Variants in GSE1 observed in about 807,000 individuals in gnomAD.
GSE1 encodes Gse1 coiled-coil protein.
A neutral mutation model predicts 112.6 loss-of-function variants in GSE1; 32 were observed. The observed-to-expected ratio is 0.28, with a 90% confidence interval of 0.21 to 0.38. The LOEUF (loss-of-function observed/expected upper bound fraction) is 0.38. GSE1 is among the 10% of genes least tolerant of loss of function. The pLI, the probability that GSE1 is intolerant of heterozygous loss-of-function variation, is 1.00. For missense variants in GSE1, 2,348 were observed against 1,699.2 expected, an observed-to-expected ratio of 1.38 and a Z score of -6.71; for synonymous variants, 1,115 against 735.6, an observed-to-expected ratio of 1.52 and a Z score of -8.35.
intron 2 of GSE1, among the ~76,000 whole-genome samples, chr16:85,409,411 C>T (rs2048428088): frequency 2.7e-5 from 1 of 36,892 alleles, no homozygotes. Flanking sequence ...TCAGGGCCCC[C>T]CTGGATAATC....
At chr16:85,579,092 A>G (rs988650613) in intron 1 of GSE1, among the ~76,000 whole-genome samples, 1 of 152,146 alleles carries the variant, frequency 6.6e-6, no homozygotes, top group Non-Finnish European at 1.5e-5. Context: ...TTAGGCCTAA[A>G]TAGTCTAAAA....
exon 1 of GSE1, chr16:85,169,603 C>A (rs2074327238): frequency 4.1e-6 from 4 of 982,494 alleles, no homozygotes; most frequent in Non-Finnish European, 4.8e-6. Flanking sequence ...GGGCGGCGCG[C>A]CGCTCTCCTG....
intron 1 of GSE1, among the ~76,000 whole-genome samples, chr16:85,258,755 C>T (rs754293549): frequency 3.3e-5 from 5 of 152,196 alleles, no homozygotes; most frequent in Admixed American, 2.0e-4. Flanking sequence ...AGGAGGGACA[C>T]GCTTGTCATG....
intron 1 of GSE1, among the ~76,000 whole-genome samples, chr16:85,186,551 C>T (rs888552315): frequency 7.3e-5 from 11 of 150,492 alleles, no homozygotes; most frequent in East Asian, 2.0e-4. Context: ...TGCAGTGAGC[C>T]GAGATCGTGC....
rs374027374 is a variant in GSE1 at position 85,654,309 on chromosome 16, G to A, written c.458G>A (p.Arg153Gln). The A allele has an allele frequency of 1.2e-4, 187 of 1,607,786 alleles. 1 individual carries two copies. The highest frequency in any genetic ancestry group is 4.7e-4 in the African/African-American group (35 of 74,668). ...GGCTCCAGGAGCAGCAGTGGAGGTC[G>A]GGAACGCCTCATTGTGGAGCCCCCG... ...DAGSRSSSGGRERLIVEPPLP... is the reference protein window; with the variant it reads ...DAGSRSSSGGQERLIVEPPLP... The change falls in exon 4 of 16, where the codon CGG becomes CAG. Residue 153 changes from arginine (R) to glutamine (Q), a missense_variant. Coordinates refer to ENST00000253458, the MANE Select transcript of GSE1 (RefSeq NM_014615.5).
intron 1 of GSE1, among the ~76,000 whole-genome samples, chr16:85,190,875 C>A (rs2074805841): frequency 6.6e-6 from 1 of 152,256 alleles, no homozygotes; most frequent in African/African-American, 2.4e-5. Flanking sequence ...ATCCTGCAGA[C>A]CCACTGCTCT....
At chr16:85,628,358 A>C (rs2049255183) in intron 1 of GSE1, among the ~76,000 whole-genome samples, 1 of 152,216 alleles carries the variant, frequency 6.6e-6, no homozygotes, top group African/African-American at 2.4e-5. Context: ...GGGGACCCCC[A>C]GGGACCCAGG....
intron 1 of GSE1, among the ~76,000 whole-genome samples, chr16:85,289,954 G>C (rs2045158241): frequency 6.6e-6 from 1 of 152,228 alleles, no homozygotes; most frequent in South Asian, 2.1e-4. Flanking sequence ...CTGGAGCCCA[G>C]GAATTTGCAT....
At chr16:85,338,447 C>T (rs1285227278) in intron 1 of GSE1, among the ~76,000 whole-genome samples, 1 of 152,178 alleles carries the variant, frequency 6.6e-6, no homozygotes, top group Admixed American at 6.5e-5. Context: ...CTGACTTACC[C>T]CTCCCTGCCT....
intron 1 of GSE1, among the ~76,000 whole-genome samples, chr16:85,629,597 G>T (rs1447887647): frequency 6.6e-6 from 1 of 152,214 alleles, no homozygotes; most frequent in Non-Finnish European, 1.5e-5. Context: ...CTGGACCTGG[G>T]CTCCAAGCCT....
Position 85,502,754 on chromosome 16 carries a change from G to C in GSE1, c.2465-131160G>C, listed in dbSNP as rs967215570. Among the ~76,000 whole-genome samples, 3 of 152,352 alleles carry C rather than the reference G, an allele frequency of 2.0e-5. No homozygotes were observed. In the South Asian group the frequency reaches 6.2e-4, roughly 32 times the overall value. ...GCTGGGCAGGGCCATCTTGGTGTCCGTGGAGCCGGGAAGGACTGCGTTTAC... is the reference window on the plus strand; with the variant it reads ...GCTGGGCAGGGCCATCTTGGTGTCCCTGGAGCCGGGAAGGACTGCGTTTAC... On this transcript the variant is annotated intron_variant, in intron 2 of 2. Transcript: ENST00000637419.
chr16:85,657,537 C>G lies in GSE1; in HGVS notation c.1573C>G (p.Gln525Glu). ...VSEFRQQVLEQHLDMGRPPVP... is the reference protein window; with the variant it reads ...VSEFRQQVLEEHLDMGRPPVP... ...CGAGTTCCGGCAGCAGGTGCTGGAG[C>G]AGCACCTGGATATGGGCCGGCCCCC... The change falls in exon 8 of 16, where the codon CAG becomes GAG. Residue 525 changes from glutamine to glutamate, a missense_variant. By Grantham distance (29) the Gln-to-Glu change is conservative (BLOSUM62 2). Coordinates refer to ENST00000253458, the MANE Select transcript of GSE1 (RefSeq NM_014615.5). 1 of 1,601,912 alleles carries G rather than the reference C, an allele frequency of 6.2e-7. No homozygotes were observed. Among genetic ancestry groups the G allele is most frequent in the Admixed American group, 1.7e-5 (1 of 59,036 alleles).
intron 2 of GSE1, among the ~76,000 whole-genome samples, chr16:85,480,023 G>A (rs527540334): frequency 1.3e-5 from 2 of 152,340 alleles, no homozygotes; most frequent in South Asian, 2.1e-4. Flanking sequence ...CACGACGGGT[G>A]ATGTTTCTCT....
At chr16:85,251,731 C>T (rs931018983) in intron 1 of GSE1, among the ~76,000 whole-genome samples, 7 of 152,214 alleles carry the variant, frequency 4.6e-5, no homozygotes, top group Non-Finnish European at 7.3e-5. Flanking sequence ...TAAACGCAAG[C>T]GGCTCTTCCT....
rs1429318366 is a variant in GSE1, at chr16:85,310,226, C to T, written c.2284-47237C>T. Among the ~76,000 whole-genome samples, 8 of 152,168 alleles carry T rather than the reference C, an allele frequency of 5.3e-5. No individual in the cohort carries two copies. In the South Asian group the frequency reaches 8.3e-4, roughly 16 times the overall value. On this transcript the variant is annotated intron_variant, in intron 1 of 2. Coordinates refer to the GSE1 transcript ENST00000637419. ...CCTGCCTGGGTGGCAGGAGAGGACC[C>T]GGGAGGGGTGCGTGAGGCGTGTAAC...
At chr16:85,394,154 G>T (rs1405631759) in intron 2 of GSE1, among the ~76,000 whole-genome samples, 1 of 151,794 alleles carries the variant, frequency 6.6e-6, no homozygotes, top group Non-Finnish European at 1.5e-5. Flanking sequence ...AGCCGTGACT[G>T]CTGACGAAAA....
intron 1 of GSE1, among the ~76,000 whole-genome samples, chr16:85,603,143 C>G (rs925594725): frequency 2.6e-5 from 4 of 152,264 alleles, no homozygotes; most frequent in Non-Finnish European, 5.9e-5. Context: ...ACCCGCCTTT[C>G]CCCTGCATGG....
chr16:85,365,526 C>G (rs974072706), intron 2 of GSE1, among the ~76,000 whole-genome samples: 1 of 152,206 alleles, frequency 6.6e-6, no homozygotes, highest in African/African-American at 2.4e-5. Context: ...TGGGGTTCAG[C>G]CCCTCAACCT....
At chr16:85,260,011 C>T (rs1397806459) in intron 1 of GSE1, among the ~76,000 whole-genome samples, 1 of 152,222 alleles carries the variant, frequency 6.6e-6, no homozygotes, top group Admixed American at 6.5e-5. Context: ...AGGGCTCCAT[C>T]TGGCCAGCAC....
Sources: gnomAD v4.1 joint callset for allele counts (sites outside exome capture counted in the v4.1 genomes callset) on GRCh38, gnomAD v4.1.1 for gene constraint, MANE v1.5 for transcripts, NCBI Gene and HGNC (gene_info 2026-07-23, HGNC 2026-07-21) for gene names.